CEP63: variants seen among roughly 807,000 people sequenced by gnomAD.
CEP63 encodes the protein centrosomal protein of 63 kDa.
In CEP63, 84 loss-of-function variants were observed where a neutral mutation model predicts 89.1. That is an observed-to-expected ratio of 0.94 (90% CI 0.79 to 1.13). The LOEUF (loss-of-function observed/expected upper bound fraction) is 1.13, where lower values mean the gene tolerates loss of function less well. CEP63 is among the 50% of genes most tolerant of loss of function. The pLI is 0.00. For missense variants in CEP63, 838 were observed against 813.3 expected (o/e 1.03, Z -0.37); for synonymous variants, 267 against 272.5 (o/e 0.98, Z 0.20).
chr3:134,495,360 G>A lies in CEP63; in HGVS notation c.40G>A (p.Gly14Ser), dbSNP rs137894197. ...LLEGIQNRGHGGGFLTSCEAE... is the reference protein window; with the variant it reads ...LLEGIQNRGHSGGFLTSCEAE... The stretch of plus-strand genomic sequence containing the variant: ...AGAAGGAATACAAAATCGAGGGCAT[G>A]GTGGGTAAGTTTGCTTTTTTTAAAA... Residue 14 changes from glycine to serine, a missense_variant, in exon 2 of 15, where the codon GGT becomes AGT. Physicochemically the swap from Gly to Ser is moderately conservative, Grantham distance 56. Coordinates refer to ENST00000675561, the MANE Select transcript of CEP63 (RefSeq NM_001353108.3). 4.2e-5 allele frequency: 67 copies of A among 1,611,678 alleles called. No homozygotes were observed. Among genetic ancestry groups the A allele is most frequent in the Non-Finnish European group, 5.6e-5 (66 of 1,178,152 alleles).
At chr3:134,641,522 G>A in the CEP63 span, among the ~76,000 whole-genome samples, 1 of 152,170 alleles carries the variant, frequency 6.6e-6, no homozygotes, top group Non-Finnish European at 1.5e-5. Context: ...GCAGCAGGAA[G>A]AGGCAAGGAA....
chr3:134,749,561 T>C, the CEP63 span, among the ~76,000 whole-genome samples: 2 of 151,586 alleles, frequency 1.3e-5, no homozygotes, highest in Non-Finnish European at 2.9e-5. Flanking sequence ...AAAATCCAAG[T>C]GGATCTTATC....
chr3:134,712,646 T>C, the CEP63 span, among the ~76,000 whole-genome samples: 1 of 152,224 alleles, frequency 6.6e-6, no homozygotes, highest in Non-Finnish European at 1.5e-5. Context: ...TTTAGTTTGT[T>C]TGTGGTTATT....
At chr3:134,668,996 A>G in the CEP63 span, among the ~76,000 whole-genome samples, 1 of 151,994 alleles carries the variant, frequency 6.6e-6, no homozygotes, top group Non-Finnish European at 1.5e-5. Flanking sequence ...CAGACCATGT[A>G]TTTAGGGCAG....
the CEP63 span, among the ~76,000 whole-genome samples, chr3:134,779,489 G>A: frequency 6.6e-6 from 1 of 152,188 alleles, no homozygotes; most frequent in East Asian, 1.9e-4. Flanking sequence ...TCCCAGCCGT[G>A]AAATTGCTGA....
chr3:134,583,560 C>T (rs1350273706), intron 10 of CEP63, among the ~76,000 whole-genome samples: 2 of 152,036 alleles, frequency 1.3e-5, no homozygotes, highest in African/African-American at 4.8e-5. Flanking sequence ...GGTACCAGTA[C>T]CATGCTGTTT....
intron 1 of CEP63, among the ~76,000 whole-genome samples, chr3:134,486,934 A>G (rs940278953): frequency 6.6e-6 from 1 of 152,144 alleles, no homozygotes; most frequent in African/African-American, 2.4e-5. Flanking sequence ...TTAGGCTTAT[A>G]ATGTGGTTTT....
chr3:134,545,851 G>A, intron 7 of CEP63, 32 bp downstream of exon 7: 1 of 1,462,850 alleles, frequency 6.8e-7, no homozygotes, highest in Non-Finnish European at 9.5e-7. Context: ...ATTGGGGGAA[G>A]TGTGTGTATG....
At chr3:134,570,313 GCT>G (rs1303367964) in intron 11 of CEP63, among the ~76,000 whole-genome samples, 1 of 152,126 alleles carries the variant, frequency 6.6e-6, no homozygotes, top group African/African-American at 2.4e-5. Context: ...AAACTTTTAT[GCT>G]CTGTTTCTCA....
At chr3:134,495,166 C>T (rs1232792576) in intron 1 of CEP63, 130 bp from the exon 2 acceptor site, 5 of 710,970 alleles carry the variant, frequency 7.0e-6, no homozygotes, top group African/African-American at 5.4e-5. Flanking sequence ...ACTGCTTCTA[C>T]AGTCATCTTA....
At chr3:134,690,263 A>G in the CEP63 span, among the ~76,000 whole-genome samples, 1 of 152,252 alleles carries the variant, frequency 6.6e-6, no homozygotes, top group Non-Finnish European at 1.5e-5. Context: ...AGATAAAATG[A>G]TAGAAGATAT....
the CEP63 span, among the ~76,000 whole-genome samples, chr3:134,678,799 G>T: frequency 6.6e-6 from 1 of 152,174 alleles, no homozygotes; most frequent in Admixed American, 6.5e-5. Context: ...TGCATCCCAT[G>T]CTGACTTCTG....
At chr3:134,541,739 C>T (rs920546664) in intron 6 of CEP63, among the ~76,000 whole-genome samples, 1 of 138,418 alleles carries the variant, frequency 7.2e-6, no homozygotes, top group Non-Finnish European at 1.6e-5. Flanking sequence ...TCTCGAACTC[C>T]TGACCTCAAG....
the CEP63 span, among the ~76,000 whole-genome samples, chr3:134,776,658 T>C: frequency 6.6e-6 from 1 of 152,276 alleles, no homozygotes; most frequent in East Asian, 1.9e-4. Flanking sequence ...TTGGGGCAGC[T>C]GGCTGAGCCT....
chr3:134,732,453 TAA>T, the CEP63 span, among the ~76,000 whole-genome samples: 1 of 151,924 alleles, frequency 6.6e-6, no homozygotes, highest in African/African-American at 2.4e-5. Context: ...GAAAATGTAA[TAA>T]GAGTTGATTA....
the CEP63 span, among the ~76,000 whole-genome samples, chr3:134,696,165 A>G: frequency 6.6e-6 from 1 of 152,202 alleles, no homozygotes; most frequent in African/African-American, 2.4e-5. Flanking sequence ...ATGGCCTGGC[A>G]ATGTCTGGTT....
chr3:134,661,867 T>A, the CEP63 span, among the ~76,000 whole-genome samples: 25 of 146,898 alleles, frequency 1.7e-4, no homozygotes, highest in African/African-American at 6.1e-4. Context: ...TATCAAGAGG[T>A]GGAGGCTTTG....
chr3:134,651,279 C>A, the CEP63 span: 1 of 1,192,246 alleles, frequency 8.4e-7, no homozygotes, highest in Non-Finnish European at 1.1e-6. Context: ...CCCTGCGCCC[C>A]TGCCTCCCGC....
chr3:134,532,994 C>A (rs1950142936), intron 5 of CEP63, 94 bp downstream of exon 5: 1 of 1,348,522 alleles, frequency 7.4e-7, no homozygotes, highest in African/African-American at 1.4e-5. Flanking sequence ...AACCAATTTT[C>A]TACTATCTTA....
Sources: gnomAD v4.1 joint callset for allele counts (sites outside exome capture counted in the v4.1 genomes callset) on GRCh38, gnomAD v4.1.1 for gene constraint, MANE v1.5 for transcripts, NCBI Gene and HGNC (gene_info 2026-07-23, HGNC 2026-07-21) for gene names.